The following TERF2 variants were observed in gnomAD, a reference collection of about 807,000 sequenced individuals.
The protein encoded by TERF2 is telomeric repeat-binding factor 2.
Under a neutral mutation model 56.1 loss-of-function variants are expected in TERF2, and 16 were observed. The ratio of observed to expected loss-of-function variants is 0.29; its 90% CI spans 0.19 to 0.43. The LOEUF is 0.43. Ranked by LOEUF, TERF2 falls within the 20% of genes least tolerant of loss-of-function variation. The probability of loss-of-function intolerance (pLI) is 1.00; values close to 1 mark genes in which losing one functional copy is unlikely to be tolerated. For synonymous variants in TERF2, 296 were observed against 282.1 expected, an observed-to-expected ratio of 1.05 and a Z score of -0.50; for missense variants, 547 against 712.9, an observed-to-expected ratio of 0.77 and a Z score of 2.65.
chr16:69,359,566 T>C lies in TERF2; in HGVS notation c.1426+1838A>G, dbSNP rs1369839023. Among the ~76,000 whole-genome samples the C allele has an allele frequency of 4.0e-5, 6 of 151,244 alleles. No individual in the cohort carries two copies. The East Asian group carries it at 7.8e-4, about 20-fold the overall frequency. On this transcript the variant is annotated intron_variant, in intron 8 of 9. Coordinates refer to ENST00000254942, the MANE Select transcript of TERF2 (RefSeq NM_005652.5). ...AAGAAATCATATGGTTTTGCTGTTT[T>C]GTACTAAAATTTTCTTTTTTTCTCC...
intron 3 of TERF2, among the ~76,000 whole-genome samples, chr16:69,381,378 C>T (rs2013994879): frequency 6.6e-6 from 1 of 152,188 alleles, no homozygotes. Flanking sequence ...CATAAAAAAG[C>T]AGCTAGTTCA....
Position 69,367,166 on chromosome 16 carries a change from C to T in TERF2, c.981G>A (p.Met327Ile), listed in dbSNP as rs141046852. 1.3e-4 allele frequency: 206 copies of T among 1,613,842 alleles called. No individual in the cohort carries two copies. The highest frequency in any genetic ancestry group is 6.6e-4 in the Middle Eastern group (4 of 6,084). The stretch of plus-strand genomic sequence containing the variant: ...TCTTGAAAGCTGCTTTCAGAGTCAT[C>T]ATTCCAATGGTGGTTGGAGGATTCC... ...QLRNPPTTIG[M>I]MTLKAAFKTL... The change falls in exon 7 of 10, where the codon ATG becomes ATA. Residue 327 changes from methionine (M) to isoleucine (I), a missense_variant. Coordinates refer to ENST00000254942, the MANE Select transcript of TERF2 (RefSeq NM_005652.5).
intron 3 of TERF2, among the ~76,000 whole-genome samples, chr16:69,376,662 A>G (rs2013794687): frequency 6.7e-6 from 1 of 148,864 alleles, no homozygotes; most frequent in African/African-American, 2.5e-5. Flanking sequence ...ACTGTGCAAT[A>G]TGGGAACACA....
At chr16:69,357,455 G>T in intron 9 of TERF2, 63 bp downstream of exon 9, 1 of 1,404,042 alleles carries the variant, frequency 7.1e-7, no homozygotes, top group South Asian at 1.2e-5. Flanking sequence ...TGTGAGACAG[G>T]GCGCGTATTT....
At chr16:69,370,438 T>A in intron 5 of TERF2, 45 bp downstream of exon 5, 6 of 1,596,066 alleles carry the variant, frequency 3.8e-6, no homozygotes, top group Non-Finnish European at 5.1e-6. Context: ...TCCCCGCACA[T>A]CCTCAAGGGC....
At position 69,385,085 on chromosome 16, in the gene TERF2, ACT is replaced by A. The variant is rs930066745; in HGVS notation, c.475+304_475+305del. Among the ~76,000 whole-genome samples, 75 of 152,244 alleles carry A rather than the reference ACT, an allele frequency of 4.9e-4. 1 individual carries two copies. The highest frequency in any genetic ancestry group is 6.8e-4 in the Non-Finnish European group (46 of 68,010). On this transcript the variant is annotated intron_variant, in intron 2 of 9. Transcript: ENST00000254942. ...TGTCAGAGTACTTCCACTCTGAAAAACTCTCTACCATGGGGGAAAAAAGATGT... is the reference window on the plus strand; with the variant it reads ...TGTCAGAGTACTTCCACTCTGAAAAACTCTACCATGGGGGAAAAAAGATGT...
rs773317478 is a variant in TERF2 at position 69,367,180 on chromosome 16, T to A, written c.967A>T (p.Thr323Ser). The part of the protein sequence containing the change: ...EPARQLRNPP[T>S]TIGMMTLKAA... ...TTCAGAGTCATCATTCCAATGGTGG[T>A]TGGAGGATTCCGTAGCTGCCTGCAA... The change falls in exon 7 of 10, where the codon ACC becomes TCC. Residue 323 changes from threonine (T) to serine (S), a missense_variant. Coordinates refer to ENST00000254942, the MANE Select transcript of TERF2 (RefSeq NM_005652.5). 7 of 1,609,356 alleles carry A rather than the reference T, an allele frequency of 4.3e-6. No individual in the cohort carries two copies. The highest frequency in any genetic ancestry group is 5.1e-6 in the Non-Finnish European group (6 of 1,176,364).
At chr16:69,377,126 C>G (rs1199287050) in intron 3 of TERF2, among the ~76,000 whole-genome samples, 1 of 150,852 alleles carries the variant, frequency 6.6e-6, no homozygotes, top group Admixed American at 6.6e-5. Context: ...TCGCTTAAAC[C>G]TAGGAGACGG....
intron 7 of TERF2, among the ~76,000 whole-genome samples, chr16:69,361,844 T>C (rs148632865): frequency 6.6e-6 from 1 of 151,308 alleles, no homozygotes; most frequent in African/African-American, 2.4e-5. Flanking sequence ...CTCCCTCTCT[T>C]CCTTGGACAT....
At chr16:69,381,725 C>T (rs933611055) in intron 3 of TERF2, among the ~76,000 whole-genome samples, 1 of 152,108 alleles carries the variant, frequency 6.6e-6, no homozygotes, top group Non-Finnish European at 1.5e-5. Context: ...AAGCGATCCA[C>T]TCACGTCAGC....
At chr16:69,368,520 C>T in intron 5 of TERF2, 38 bp from the exon 6 acceptor site, 10 of 1,611,084 alleles carry the variant, frequency 6.2e-6, no homozygotes, top group Non-Finnish European at 7.6e-6. Context: ...GAAGAGGCCA[C>T]AGAATTGCAT....
rs1033073191 is a variant in TERF2 at position 69,379,191 on chromosome 16, C to A, written c.606+5389G>T. Among the ~76,000 whole-genome samples the A allele has an allele frequency of 6.6e-5, 10 of 152,186 alleles. 1 individual carries two copies. Among genetic ancestry groups the A allele is most frequent in the Admixed American group, 2.0e-4 (3 of 15,284 alleles). On this transcript the variant is annotated intron_variant, in intron 3 of 9. Coordinates refer to ENST00000254942, the MANE Select transcript of TERF2 (RefSeq NM_005652.5). ...TTATTAACAAAGGAAGAGAAGAAGA[C>A]CAAACTCACAGAACTGAAGAATAAA...
rs758952546 is a variant in TERF2, at chr16:69,356,887, G to C, written c.*11C>G. 2.1e-5 allele frequency: 33 copies of C among 1,605,894 alleles called. No homozygotes were observed. The highest frequency in any genetic ancestry group is 1.1e-4 in the African/African-American group (8 of 74,488). On this transcript the variant is annotated 3_prime_UTR_variant, in exon 10 of 10. Transcript: ENST00000254942. ...ATGCTCCTGTGAATTCTGTGGAAATGAAAGCCTGTTTCAGTTCATGCCAAG... is the reference window on the plus strand; with the variant it reads ...ATGCTCCTGTGAATTCTGTGGAAATCAAAGCCTGTTTCAGTTCATGCCAAG...
chr16:69,357,338 G>C (rs961265479), intron 9 of TERF2, among the ~76,000 whole-genome samples, 180 bp downstream of exon 9: 1 of 152,130 alleles, frequency 6.6e-6, no homozygotes, highest in African/African-American at 2.4e-5. Context: ...TGTGTCATCT[G>C]TTTTCCTAGT....
chr16:69,372,239 G>A (rs1236661634), intron 4 of TERF2, 30 bp downstream of exon 4: 1 of 1,518,238 alleles, frequency 6.6e-7, no homozygotes, highest in African/African-American at 1.4e-5. Flanking sequence ...ATGAATTTAA[G>A]TCACAGGAGC....
chr16:69,367,912 C>G (rs1249134300), intron 6 of TERF2, among the ~76,000 whole-genome samples: 1 of 152,218 alleles, frequency 6.6e-6, no homozygotes, highest in Non-Finnish European at 1.5e-5. Flanking sequence ...CCACAAGAAG[C>G]TGAAAAGCAC....
chr16:69,368,599 G>T, intron 5 of TERF2, 117 bp from the exon 6 acceptor site: 1 of 1,546,248 alleles, frequency 6.5e-7, no homozygotes. Flanking sequence ...ATCCAATCTA[G>T]GCATAAAACG....
intron 9 of TERF2, 73 bp from the exon 10 acceptor site, chr16:69,357,129 T>C (rs1431608375): frequency 6.8e-7 from 1 of 1,481,136 alleles, no homozygotes; most frequent in Non-Finnish European, 9.1e-7. Context: ...AATGTAGTGA[T>C]AAGGTAAACT....
At position 69,368,476 on chromosome 16, in the gene TERF2, T is replaced by G; in HGVS notation, c.847A>C (p.Lys283Gln). 6.2e-7 allele frequency: 1 copy of G among 1,614,182 alleles called. No homozygotes were observed. Among genetic ancestry groups the G allele is most frequent in the Non-Finnish European group, 8.5e-7 (1 of 1,180,030 alleles). Residue 283 changes from lysine (K) to glutamine (Q), a missense_variant, in exon 6 of 10, where the codon AAA becomes CAA. Physicochemically the swap from Lys to Gln is moderately conservative, Grantham distance 53. Transcript: ENST00000254942. ...DAEPYLLTMA[K>Q]KALKSESAAS... ...GCGGACTCAGATTTCAAAGCCTTTT[T>G]GGCCATCTGGGAAAGGAAGGATGTC...
Sources: allele counts gnomAD v4.1 joint callset (sites outside exome capture counted in the v4.1 genomes callset), GRCh38; gene constraint gnomAD v4.1.1; transcripts MANE v1.5; gene names NCBI Gene and HGNC (gene_info 2026-07-23, HGNC 2026-07-21).